Variants in NTM observed in about 807,000 individuals in gnomAD.
The protein encoded by NTM is neurotrimin, also known as IgLON family member 2.
In NTM, 13 loss-of-function variants were observed where a neutral mutation model predicts 42.1. That is an observed-to-expected ratio of 0.31 (90% CI 0.20 to 0.49). NTM has a LOEUF of 0.49. Ranked by LOEUF, NTM falls within the 20% of genes least tolerant of loss-of-function variation. NTM has a pLI of 0.99. For missense variants in NTM, 373 were observed against 452.8 expected (o/e 0.82, Z 1.60); for synonymous variants, 187 against 179.2 (o/e 1.04, Z -0.35).
chr11:132,266,229 G>A (rs1453308540), intron 4 of NTM, among the ~76,000 whole-genome samples: 1 of 152,136 alleles, frequency 6.6e-6, no homozygotes, highest in African/African-American at 2.4e-5. Context: ...GAAGCCTACA[G>A]CAAGGGGCAT....
intron 1 of NTM, among the ~76,000 whole-genome samples, chr11:131,909,189 T>C (rs2054313031): frequency 6.6e-6 from 1 of 152,228 alleles, no homozygotes; most frequent in Non-Finnish European, 1.5e-5. Flanking sequence ...CGTCTTAGTC[T>C]TTCTTTGTTA....
chr11:132,208,397 C>T (rs1442417546), intron 3 of NTM, among the ~76,000 whole-genome samples: 3 of 152,220 alleles, frequency 2.0e-5, no homozygotes, highest in Non-Finnish European at 4.4e-5. Context: ...ATCTGTCTTT[C>T]TCACTCACCC....
intron 3 of NTM, among the ~76,000 whole-genome samples, chr11:132,147,175 T>TG (rs2070662850): frequency 8.1e-6 from 1 of 123,524 alleles, no homozygotes; most frequent in Non-Finnish European, 1.6e-5. Context: ...CCTTGTATGT[T>TG]TGTGTGTGTG....
At chr11:131,923,764 T>C (rs2138293942) in intron 2 of NTM, among the ~76,000 whole-genome samples, 1 of 152,334 alleles carries the variant, frequency 6.6e-6, no homozygotes, top group East Asian at 1.9e-4. Flanking sequence ...CAATCTTTCA[T>C]GTTAACCTTT....
chr11:132,194,696 G>A (rs1566437965), intron 3 of NTM, among the ~76,000 whole-genome samples: 1 of 151,076 alleles, frequency 6.6e-6, no homozygotes, highest in Non-Finnish European at 1.5e-5. Flanking sequence ...CACAGATGAT[G>A]TTATTCTACA....
rs75888412 is a variant in NTM at position 131,440,870 on chromosome 11, G to C, written c.82+69982G>C. 9.1e-3 allele frequency among the ~76,000 whole-genome samples: 995 copies of C among 109,210 alleles called. 38 individuals carry two copies. In the East Asian group the frequency reaches 0.13, roughly 14 times the overall value. 71.6% of individuals were successfully genotyped at this position (109,210 alleles called of 152,430 possible). Reference sequence around the variant, plus strand: ...AAAAAAAAAAAAAAAAAAAATTCATGCCCGTGTCTGGGGGTTTGCAGCCTG... The same window carrying C: ...AAAAAAAAAAAAAAAAAAAATTCATCCCCGTGTCTGGGGGTTTGCAGCCTG... On this transcript the variant is annotated intron_variant, in intron 1 of 8. Transcript: ENST00000683400.
At chr11:132,164,126 A>G (rs1311444283) in intron 3 of NTM, among the ~76,000 whole-genome samples, 1 of 152,214 alleles carries the variant, frequency 6.6e-6, no homozygotes, top group Non-Finnish European at 1.5e-5. Flanking sequence ...GTGTGAGGGA[A>G]CAAAATACAA....
At chr11:131,580,092 T>C (rs1404611363) in intron 1 of NTM, among the ~76,000 whole-genome samples, 1 of 152,124 alleles carries the variant, frequency 6.6e-6, no homozygotes, top group African/African-American at 2.4e-5. Context: ...TGGGGCTATC[T>C]GTGTGGATTG....
intron 2 of NTM, among the ~76,000 whole-genome samples, chr11:132,054,903 G>T (rs1010258329): frequency 2.0e-5 from 3 of 152,196 alleles, no homozygotes; most frequent in African/African-American, 7.2e-5. Flanking sequence ...CACCCTTCCT[G>T]CCTGGAGTGT....
chr11:132,100,985 T>A (rs4288763), intron 2 of NTM, among the ~76,000 whole-genome samples: 1 of 152,092 alleles, frequency 6.6e-6, no homozygotes, highest in Non-Finnish European at 1.5e-5. Context: ...TAGCACTGAA[T>A]GCTCATTTGT....
At chr11:131,598,367 A>G (rs2059992442) in intron 1 of NTM, among the ~76,000 whole-genome samples, 2 of 152,244 alleles carry the variant, frequency 1.3e-5, no homozygotes, top group South Asian at 2.1e-4. Context: ...AATGATAAAC[A>G]AAACAAGGTA....
chr11:131,595,239 A>T (rs887027675), intron 1 of NTM, among the ~76,000 whole-genome samples: 6 of 152,054 alleles, frequency 3.9e-5, no homozygotes, highest in African/African-American at 1.4e-4. Flanking sequence ...CCAGTGAATC[A>T]CCTGCTGGTG....
At chr11:131,908,298 T>C (rs779095628) in intron 1 of NTM, among the ~76,000 whole-genome samples, 6 of 152,244 alleles carry the variant, frequency 3.9e-5, no homozygotes, top group Non-Finnish European at 8.8e-5. Context: ...AATGTATTAA[T>C]AAAGCATCTT....
At chr11:131,842,214 T>G (rs986589752) in intron 1 of NTM, among the ~76,000 whole-genome samples, 7 of 152,164 alleles carry the variant, frequency 4.6e-5, no homozygotes, top group Non-Finnish European at 8.8e-5. Context: ...TTGCAAACCA[T>G]TTTAATCGCT....
At chr11:131,555,824 G>A (rs979110306) in intron 1 of NTM, among the ~76,000 whole-genome samples, 1 of 152,042 alleles carries the variant, frequency 6.6e-6, no homozygotes, top group East Asian at 1.9e-4. Context: ...TCTTCCCCAG[G>A]GCAGCTACTC....
chr11:132,181,083 T>G (rs1259238052), intron 3 of NTM, among the ~76,000 whole-genome samples: 2 of 152,188 alleles, frequency 1.3e-5, no homozygotes, highest in Non-Finnish European at 2.9e-5. Context: ...TCATGGCATT[T>G]TTTCAGTACT....
chr11:132,111,089 A>AGAGAAAAAG (rs2063127226), intron 2 of NTM, among the ~76,000 whole-genome samples: 1 of 110,202 alleles, frequency 9.1e-6, no homozygotes, highest in South Asian at 2.9e-4. Flanking sequence ...AAAAAAAAAA[A>AGAGAAAAAG]AAAAAAAAAA....
intron 1 of NTM, among the ~76,000 whole-genome samples, chr11:131,617,895 C>T (rs375776138): frequency 6.6e-6 from 1 of 152,070 alleles, no homozygotes; most frequent in Non-Finnish European, 1.5e-5. Context: ...GTTGGGAGGG[C>T]GAGCCACCCA....
intron 3 of NTM, among the ~76,000 whole-genome samples, chr11:132,198,057 C>T (rs2138402199): frequency 6.6e-6 from 1 of 152,220 alleles, no homozygotes; most frequent in Non-Finnish European, 1.5e-5. Flanking sequence ...AGTTCTAGAT[C>T]CCTGAGGAAT....
Sources: gnomAD v4.1 joint callset for allele counts (sites outside exome capture counted in the v4.1 genomes callset) on GRCh38, gnomAD v4.1.1 for gene constraint, MANE v1.5 for transcripts, NCBI Gene and HGNC (gene_info 2026-07-23, HGNC 2026-07-21) for gene names.